TMEM229B: variants seen among roughly 807,000 people sequenced by gnomAD.
TMEM229B encodes chromosome 14 open reading frame 83.
TMEM229B carries 6 observed loss-of-function variants against 13.7 expected under a neutral mutation model. The observed-to-expected ratio is 0.44, with a 90% CI of 0.24 to 0.86. TMEM229B has a LOEUF of 0.86. Ranked by LOEUF, TMEM229B falls within the 40% of genes least tolerant of loss-of-function variation. TMEM229B has a pLI of 0.23. For missense variants in TMEM229B, 170 were observed against 236.0 expected, an observed-to-expected ratio of 0.72 and a Z score of 1.83; for synonymous variants, 107 against 102.1, an observed-to-expected ratio of 1.05 and a Z score of -0.29.
upstream of TMEM229B, among the ~76,000 whole-genome samples, chr14:67,516,736 A>G (rs1346999965): frequency 6.6e-6 from 1 of 152,222 alleles, no homozygotes; most frequent in African/African-American, 2.4e-5. Context: ...AAATATGGAC[A>G]AGGAATTTCT....
At position 67,512,113 on chromosome 14, in the gene TMEM229B, G is replaced by A. The variant is rs190694126; in HGVS notation, c.-192+2973C>T. 3.4e-3 allele frequency among the ~76,000 whole-genome samples: 519 copies of A among 152,140 alleles called. 2 individuals carry two copies. The highest frequency in any genetic ancestry group is 4.2e-3 in the Non-Finnish European group (285 of 68,000). Reference sequence around the variant, plus strand: ...AAAAGTATAACCTATGGATCTACTCGGGTACTTGATTTTAAATGCTCTTAA... The same window carrying A: ...AAAAGTATAACCTATGGATCTACTCAGGTACTTGATTTTAAATGCTCTTAA... On this transcript the variant is annotated intron_variant, in intron 1 of 2. Coordinates refer to the TMEM229B transcript ENST00000357461.
chr14:67,523,155 T>C (rs762343283), intron 1 of TMEM229B, among the ~76,000 whole-genome samples: 1 of 152,104 alleles, frequency 6.6e-6, no homozygotes, highest in Non-Finnish European at 1.5e-5. Context: ...AAACCCTGTC[T>C]GTACTAAAAA....
At chr14:67,500,754 C>T (rs1009978914) in intron 1 of TMEM229B, among the ~76,000 whole-genome samples, 1 of 151,476 alleles carries the variant, frequency 6.6e-6, no homozygotes, top group Non-Finnish European at 1.5e-5. Flanking sequence ...TGTATTTTTA[C>T]TAGAGACGGG....
At chr14:67,516,632 T>C (rs200290115), upstream of TMEM229B, among the ~76,000 whole-genome samples, 4 of 147,896 alleles carry the variant, frequency 2.7e-5, no homozygotes, top group African/African-American at 9.9e-5. Context: ...CTTCCCCTAA[T>C]TGTCTGATGG....
At chr14:67,489,574 C>T (rs2032070076), upstream of TMEM229B, among the ~76,000 whole-genome samples, 1 of 152,204 alleles carries the variant, frequency 6.6e-6, no homozygotes, top group African/African-American at 2.4e-5. Flanking sequence ...CTCCTTCTTC[C>T]AGACCCTGCT....
intron 1 of TMEM229B, among the ~76,000 whole-genome samples, chr14:67,507,824 G>A (rs2032881116): frequency 6.6e-6 from 1 of 152,112 alleles, no homozygotes; most frequent in Non-Finnish European, 1.5e-5. Flanking sequence ...CCTCTCAGCT[G>A]CCCCACTGAA....
intron 1 of TMEM229B, among the ~76,000 whole-genome samples, chr14:67,514,915 G>A (rs962175556): frequency 1.3e-5 from 2 of 152,184 alleles, no homozygotes; most frequent in East Asian, 3.9e-4. Context: ...CAGCAGCCTC[G>A]AAACCGAAAG....
In TMEM229B at chr14:67,473,989, A is replaced by C; in HGVS notation, c.-18-48T>G. ...AGGTGAGGGCCGGGCGCGGTGGCTC[A>C]CGCCTATAATCCCTGCGCTTTGGGA... is the stretch of plus-strand genomic sequence containing the variant. On this transcript the variant is annotated intron_variant, in intron 2 of 2. Coordinates refer to ENST00000554480, the MANE Select transcript of TMEM229B (RefSeq NM_001348543.2). The surrounding 1 kb of genome is among the most constrained non-coding windows in gnomAD (Gnocchi z 6.5). 1.1e-5 allele frequency: 16 copies of C among 1,506,882 alleles called. No individual in the cohort carries two copies. The highest frequency in any genetic ancestry group is 1.3e-5 in the Non-Finnish European group (15 of 1,128,212). The allele number at this position is 1,506,882 out of a possible 1,614,324, so 93.3% of individuals were successfully genotyped here.
At position 67,472,957 on chromosome 14, in the gene TMEM229B, C is replaced by T. The variant is rs2030863298; in HGVS notation, c.*463G>A. 5.5e-6 allele frequency: 1 copy of T among 182,002 alleles called. No homozygotes were observed. The highest frequency in any genetic ancestry group is 2.4e-5 in the African/African-American group (1 of 42,040). 11.3% of individuals were successfully genotyped at this position (182,002 alleles called of 1,614,324 possible). A position where few individuals can be genotyped will look rare whatever the true frequency, so the allele number is the denominator to read the frequency against. ...CTCCTCGGCTGCAGCTCAGCAGGCC[C>T]CTGGGGAGGTATTGGTTGCAAGCAA... On this transcript the variant is annotated 3_prime_UTR_variant, in exon 3 of 3. Coordinates refer to ENST00000554480, the MANE Select transcript of TMEM229B (RefSeq NM_001348543.2).
chr14:67,533,642 T>C (rs72721024), exon 1 of TMEM229B: 27,303 of 151,988 alleles, frequency 0.18, 2,585 homozygotes, highest in Admixed American at 0.19. Flanking sequence ...GTACCTGGAC[T>C]TGGGGATCGG....
In TMEM229B at chr14:67,499,198, C is replaced by T. The variant is rs150097266; in HGVS notation, c.-191-12026G>A. 1.5e-3 allele frequency among the ~76,000 whole-genome samples: 231 copies of T among 151,700 alleles called. 1 individual carries two copies. Among genetic ancestry groups the T allele is most frequent in the African/African-American group, 5.2e-3 (213 of 41,330 alleles). On this transcript the variant is annotated intron_variant, in intron 1 of 2. Coordinates refer to the TMEM229B transcript ENST00000357461. ...CTTAATTTTTTTGTAGATATGGGGT[C>T]CTGCTATGTTGCTCAGGCTGGTCTC...
upstream of TMEM229B, among the ~76,000 whole-genome samples, chr14:67,490,495 G>A (rs1275028649): frequency 6.6e-6 from 1 of 152,204 alleles, no homozygotes; most frequent in Non-Finnish European, 1.5e-5. Context: ...CTCCTGTTCT[G>A]TTATTTCTAC....
upstream of TMEM229B, among the ~76,000 whole-genome samples, chr14:67,515,896 T>C (rs1422750074): frequency 6.6e-6 from 1 of 152,204 alleles, no homozygotes; most frequent in African/African-American, 2.4e-5. Context: ...ATTTCCAAGA[T>C]GGAGAAACTG....
At chr14:67,476,914 T>G (rs1269637682) in intron 2 of TMEM229B, among the ~76,000 whole-genome samples, 1 of 151,826 alleles carries the variant, frequency 6.6e-6, no homozygotes, top group Non-Finnish European at 1.5e-5. Flanking sequence ...TCACCTGAGG[T>G]CAGGAGTTCA....
upstream of TMEM229B, among the ~76,000 whole-genome samples, chr14:67,519,472 A>G (rs1052726850): frequency 3.3e-5 from 5 of 152,136 alleles, no homozygotes; most frequent in African/African-American, 1.2e-4. Context: ...TAAAGAGTCA[A>G]ATTTGCCTAA....
upstream of TMEM229B, among the ~76,000 whole-genome samples, chr14:67,489,149 G>T (rs751277111): frequency 2.6e-5 from 4 of 152,184 alleles, no homozygotes; most frequent in Non-Finnish European, 5.9e-5. Context: ...CATCTCTCAT[G>T]ATTTTCTCAG....
chr14:67,508,753 C>CATAAAAAAAAAAAAAAAAA (rs1555361631), intron 1 of TMEM229B, among the ~76,000 whole-genome samples: 1 of 46,714 alleles, frequency 2.1e-5, no homozygotes, highest in African/African-American at 6.6e-5. Flanking sequence ...AACCTTGTCT[C>CATAAAAAAAAAAAAAAAAA]AAAAAAAAAA....
chr14:67,506,253 T>G (rs1228649109), intron 1 of TMEM229B, among the ~76,000 whole-genome samples: 1 of 152,200 alleles, frequency 6.6e-6, no homozygotes, highest in African/African-American at 2.4e-5. Context: ...TAGTTGAGAC[T>G]ATGCTTGTAA....
intron 1 of TMEM229B, among the ~76,000 whole-genome samples, chr14:67,522,087 C>T (rs567138258): frequency 1.2e-4 from 19 of 152,270 alleles, no homozygotes; most frequent in Admixed American, 2.6e-4. Flanking sequence ...GCAGGAGAAT[C>T]GCTTGAACCC....
Sources: allele counts gnomAD v4.1 joint callset (sites outside exome capture counted in the v4.1 genomes callset), GRCh38; gene constraint gnomAD v4.1.1; non-coding constraint Gnocchi (gnomAD v3.1); transcripts MANE v1.5; gene names NCBI Gene and HGNC (gene_info 2026-07-23, HGNC 2026-07-21).